NECTIN2: variants seen among roughly 807,000 people sequenced by gnomAD.
The protein encoded by NECTIN2 is nectin-2.
In NECTIN2, 23 loss-of-function variants were observed where a neutral mutation model predicts 56.9. The observed-to-expected ratio is 0.40, with a 90% CI of 0.29 to 0.57. NECTIN2 has a LOEUF of 0.57. Ranked by LOEUF, NECTIN2 falls within the 20% of genes least tolerant of loss-of-function variation. The pLI, the probability that NECTIN2 is intolerant of heterozygous loss-of-function variation, is 0.38. For synonymous variants in NECTIN2, 302 were observed against 313.8 expected (o/e 0.96, Z 0.40); for missense variants, 587 against 718.3 (o/e 0.82, Z 2.09).
chr19:44,887,723 C>T (rs1176405236), intron 8 of NECTIN2, among the ~76,000 whole-genome samples: 1 of 152,136 alleles, frequency 6.6e-6, no homozygotes, highest in Non-Finnish European at 1.5e-5. Flanking sequence ...TGGGACAAGA[C>T]AAATCAAGTC....
chr19:44,885,059 C>T (rs1185837094), intron 6 of NECTIN2, among the ~76,000 whole-genome samples: 1 of 151,460 alleles, frequency 6.6e-6, no homozygotes. Flanking sequence ...TGCAATGGCG[C>T]GATCTCGGCT....
intron 1 of NECTIN2, among the ~76,000 whole-genome samples, chr19:44,847,315 C>A (rs989576628): frequency 6.6e-6 from 1 of 152,090 alleles, no homozygotes; most frequent in Admixed American, 6.6e-5. Context: ...GGAGGCTAGG[C>A]GCTAAGTCTA....
chr19:44,848,777 C>T (rs1435951110), intron 1 of NECTIN2, among the ~76,000 whole-genome samples: 1 of 151,876 alleles, frequency 6.6e-6, no homozygotes, highest in South Asian at 2.1e-4. Flanking sequence ...CCTCTCCAAG[C>T]TCTTTCTCTC....
chr19:44,873,967 G>A lies in NECTIN2; in HGVS notation c.827G>A (p.Arg276His), dbSNP rs766468871. 26 of 1,613,930 alleles carry A rather than the reference G, an allele frequency of 1.6e-5. No individual in the cohort carries two copies. The highest frequency in any genetic ancestry group is 2.7e-5 in the African/African-American group (2 of 74,896). ...SGYDDNWYLG[R>H]TDATLSCDVR... is the part of the protein sequence containing the mutation. ...TATGATGACAACTGGTACCTCGGCCGTACTGATGCCACCCTGAGCTGTGAC... is the reference window on the plus strand; with the variant it reads ...TATGATGACAACTGGTACCTCGGCCATACTGATGCCACCCTGAGCTGTGAC... Residue 276 changes from arginine to histidine, a missense_variant, in exon 4 of 9, where the codon CGT (arginine) becomes CAT (histidine). Transcript: ENST00000252483.
Position 44,874,402 on chromosome 19 carries a change from G to A in NECTIN2, c.966G>A (p.Leu322=), listed in dbSNP as rs780670391. ...SQLVIHAVDS[L]FNTTFVCTVT... ...TGGTCATCCACGCAGTGGACAGTCT[G>A]TTCAATACCACCTTCGTCTGCACAG... Residue 322 remains leucine, a synonymous_variant, in exon 5 of 9, where the codon CTG becomes CTA. Transcript: ENST00000252483. This position sits in a 1 kb window ranked among gnomAD's most constrained non-coding sequence, Gnocchi z 6.3. 1 of 1,614,142 alleles carries A rather than the reference G, an allele frequency of 6.2e-7. No individual in the cohort carries two copies. Among genetic ancestry groups the A allele is most frequent in the East Asian group, 2.2e-5 (1 of 44,874 alleles).
At chr19:44,863,322 G>C (rs1461712250) in intron 1 of NECTIN2, among the ~76,000 whole-genome samples, 1 of 151,702 alleles carries the variant, frequency 6.6e-6, no homozygotes, top group Non-Finnish European at 1.5e-5. Context: ...ACAAAAATTA[G>C]CCGGGCACTG....
rs544229520 is a variant in NECTIN2, at chr19:44,846,340, G to T, written c.-186G>T. The T allele has an allele frequency of 2.1e-4, 133 of 636,310 alleles. 3 individuals are homozygous for T. The South Asian group carries it at 3.6e-3, about 17-fold the overall frequency. 39.4% of individuals were successfully genotyped at this position (636,310 alleles called of 1,614,324 possible). On this transcript the variant is annotated 5_prime_UTR_variant, in exon 1 of 9. Transcript: ENST00000252483. ...AACCGCCGGAGCTGAGCGAGAGGCC[G>T]GGGGTGCCGAGCCGGGCGGGGAGAG... is the stretch of plus-strand genomic sequence containing the variant.
chr19:44,851,001 C>G (rs1258575496), intron 1 of NECTIN2, among the ~76,000 whole-genome samples: 1 of 151,866 alleles, frequency 6.6e-6, no homozygotes, highest in Non-Finnish European at 1.5e-5. Flanking sequence ...TCCTCCTCCC[C>G]TAGACCCAGG....
intron 1 of NECTIN2, among the ~76,000 whole-genome samples, chr19:44,848,969 G>A (rs1968869940): frequency 6.6e-6 from 1 of 152,140 alleles, no homozygotes; most frequent in African/African-American, 2.4e-5. Context: ...CCGCCAGGCA[G>A]CCCCACGTAG....
intron 1 of NECTIN2, among the ~76,000 whole-genome samples, chr19:44,849,856 T>G (rs1968880348): frequency 6.6e-6 from 1 of 152,178 alleles, no homozygotes; most frequent in African/African-American, 2.4e-5. Context: ...CTCAGGCTAA[T>G]GAAAATGTTC....
chr19:44,872,015 C>T lies in NECTIN2; in HGVS notation c.641C>T (p.Ala214Val). 3 of 1,614,188 alleles carry T rather than the reference C, an allele frequency of 1.9e-6. No individual in the cohort carries two copies. Among genetic ancestry groups the T allele is most frequent in the Non-Finnish European group, 2.5e-6 (3 of 1,180,034 alleles). The stretch of plus-strand genomic sequence containing the variant: ...GAGACTCAGGTGTCAGGGACCCTGG[C>T]CGGAACTGTCACTGTCACCAGCCGC... ...AKETQVSGTLAGTVTVTSRFT... is the reference protein window; with the variant it reads ...AKETQVSGTLVGTVTVTSRFT... The change falls in exon 3 of 9, where the codon GCC (alanine) becomes GTC (valine). Residue 214 changes from alanine to valine, a missense_variant. By Grantham distance (64) the Ala-to-Val change is moderately conservative. Coordinates refer to ENST00000252483, the MANE Select transcript of NECTIN2 (RefSeq NM_001042724.2).
chr19:44,881,618 T>C (rs912041611), intron 5 of NECTIN2, among the ~76,000 whole-genome samples: 4 of 151,820 alleles, frequency 2.6e-5, no homozygotes, highest in East Asian at 1.9e-4. Flanking sequence ...GCCCAGGAGA[T>C]TGGGGCTACA....
intron 1 of NECTIN2, among the ~76,000 whole-genome samples, chr19:44,855,241 C>T (rs1402775319): frequency 3.0e-4 from 45 of 149,764 alleles, no homozygotes; most frequent in African/African-American, 1.1e-3. Flanking sequence ...CTGGCTAACA[C>T]GGTGAAACCC....
rs112211838 is a variant in NECTIN2 at position 44,876,094 on chromosome 19, C to T, written c.1042+1616C>T. On this transcript the variant is annotated intron_variant, in intron 5 of 8. Transcript: ENST00000252483. ...TCCCAGGAACCCTCCCGAAACTCCC[C>T]GAAACTCCTCCGAAATTATCCAGAA... Among the ~76,000 whole-genome samples, 275 of 152,202 alleles carry T rather than the reference C, an allele frequency of 1.8e-3. 1 individual carries two copies. The highest frequency in any genetic ancestry group is 6.3e-3 in the African/African-American group (263 of 41,526).
intron 1 of NECTIN2, among the ~76,000 whole-genome samples, chr19:44,846,939 C>T (rs1968842383): frequency 6.6e-6 from 1 of 152,020 alleles, no homozygotes; most frequent in Non-Finnish European, 1.5e-5. Context: ...GGCCTGGTGC[C>T]CCCTCCCCAC....
intron 1 of NECTIN2, among the ~76,000 whole-genome samples, chr19:44,855,233 G>A (rs1324081355): frequency 6.6e-6 from 1 of 150,906 alleles, no homozygotes; most frequent in Non-Finnish European, 1.5e-5. Context: ...AGACCATCCT[G>A]GCTAACACGG....
chr19:44,864,063 A>C (rs927523935), intron 1 of NECTIN2, among the ~76,000 whole-genome samples: 2 of 150,460 alleles, frequency 1.3e-5, no homozygotes, highest in African/African-American at 2.4e-5. Context: ...GGCTGGGTAC[A>C]GTGGCTCACG....
chr19:44,856,263 C>T (rs905447392), intron 1 of NECTIN2, among the ~76,000 whole-genome samples: 5 of 152,216 alleles, frequency 3.3e-5, no homozygotes, highest in Admixed American at 1.3e-4. Flanking sequence ...CGCCACTACA[C>T]TCTGGCCTGG....
rs138914864 is a variant in NECTIN2 at position 44,876,174 on chromosome 19, C to T, written c.1042+1696C>T. On this transcript the variant is annotated intron_variant, in intron 5 of 8. Transcript: ENST00000252483. ...ATATGTGTTTCCTGTTTGCTAGGCA[C>T]TCTTGCTGAGGTTGGGAATACAATG... Among the ~76,000 whole-genome samples the T allele has an allele frequency of 1.5e-3, 222 of 152,274 alleles. 1 individual carries two copies. The highest frequency in any genetic ancestry group is 2.4e-3 in the Non-Finnish European group (165 of 68,028).
Sources: gnomAD v4.1 joint callset for allele counts (sites outside exome capture counted in the v4.1 genomes callset) on GRCh38, gnomAD v4.1.1 for gene constraint, Gnocchi (gnomAD v3.1) non-coding constraint, MANE v1.5 for transcripts, NCBI Gene and HGNC (gene_info 2026-07-23, HGNC 2026-07-21) for gene names.